BTNL9: variants seen among roughly 807,000 people sequenced by gnomAD.
BTNL9 encodes butyrophilin like 9.
Under a neutral mutation model 45.8 loss-of-function variants are expected in BTNL9, and 45 were observed. The ratio of observed to expected loss-of-function variants is 0.98; its 90% CI spans 0.77 to 1.26. The LOEUF (loss-of-function observed/expected upper bound fraction) is 1.26. Ranked by LOEUF, BTNL9 falls within the 50% of genes most tolerant of loss-of-function variation. The pLI, the probability that BTNL9 is intolerant of heterozygous loss-of-function variation, is 0.00. For synonymous variants in BTNL9, 346 were observed against 330.8 expected (o/e 1.05, Z -0.50); for missense variants, 784 against 729.7 (o/e 1.07, Z -0.86).
intron 4 of BTNL9, among the ~76,000 whole-genome samples, chr5:181,052,216 C>CAG (rs1171293022): frequency 6.6e-6 from 1 of 152,138 alleles, no homozygotes; most frequent in African/African-American, 2.4e-5. Flanking sequence ...ACTTATAAGC[C>CAG]AGACACACAG....
Position 181,050,337 on chromosome 5 carries a change from G to GCCAGAAGAAA in BTNL9, c.705_714dup (p.Glu239ProfsTer75), listed in dbSNP as rs762662656. 1.2e-6 allele frequency: 2 copies of GCCAGAAGAAA among 1,614,084 alleles called. No homozygotes were observed. The highest frequency in any genetic ancestry group is 1.7e-6 in the Non-Finnish European group (2 of 1,180,026). The stretch of plus-strand genomic sequence containing the variant: ...GTCTCCATCCAGAATCTCCTCTTGA[G>GCCAGAAGAAA]CCAGAAGAAAGAGTTGGTGGTCCAG... On this transcript the variant is annotated frameshift_variant, in exon 4 of 11. Coordinates refer to ENST00000327705, the MANE Select transcript of BTNL9 (RefSeq NM_152547.5). LOFTEE classifies it high-confidence loss of function. The surrounding 1 kb of genome is among the most constrained non-coding windows in gnomAD (Gnocchi z 4.9).
chr5:181,048,467 G>T (rs951297476), intron 3 of BTNL9, among the ~76,000 whole-genome samples, 196 bp downstream of exon 3: 1 of 151,946 alleles, frequency 6.6e-6, no homozygotes, highest in African/African-American at 2.4e-5. Flanking sequence ...TTAAATATAT[G>T]AAAAGGGCCG....
At chr5:181,048,351 C>T (rs888338038) in intron 3 of BTNL9, 80 bp downstream of exon 3, 11 of 1,279,848 alleles carry the variant, frequency 8.6e-6, no homozygotes, top group Non-Finnish European at 1.2e-5. Context: ...TCACAGAGAA[C>T]AGAAGAATGT....
In BTNL9 at chr5:181,053,463, C is replaced by A; in HGVS notation, c.854-6C>A. On this transcript the variant is annotated splice_polypyrimidine_tract_variant and splice_region_variant and intron_variant, in intron 5 of 10. Transcript: ENST00000327705. The surrounding 1 kb of genome is among the most constrained non-coding windows in gnomAD (Gnocchi z 6.5). ...CTCAGCCCTCTCCGCTCCCGTTTCC[C>A]TTCAGAAAAGCTGAGGAAGCAGGCG... 2 of 1,572,874 alleles carry A rather than the reference C, an allele frequency of 1.3e-6. No individual in the cohort carries two copies. The highest frequency in any genetic ancestry group is 1.2e-5 in the South Asian group (1 of 85,758).
Position 181,053,840 on chromosome 5 carries a change from A to G in BTNL9, c.886+339A>G, listed in dbSNP as rs1363501903. On this transcript the variant is annotated intron_variant, in intron 6 of 10. Coordinates refer to ENST00000327705, the MANE Select transcript of BTNL9 (RefSeq NM_152547.5). This position sits in a 1 kb window ranked among gnomAD's most constrained non-coding sequence, Gnocchi z 6.5. ...AGCGCCACCTCGTCCAGGTTTTCAT[A>G]GCGCACAGGGAGTCGGGCGGATGCG... 9 of 1,507,470 alleles carry G rather than the reference A, an allele frequency of 6.0e-6. No homozygotes were observed. In the East Asian group the frequency reaches 7.8e-5, roughly 13 times the overall value. 93.4% of individuals were successfully genotyped at this position (1,507,470 alleles called of 1,614,324 possible).
intron 2 of BTNL9, among the ~76,000 whole-genome samples, chr5:181,046,470 T>G (rs1761160983): frequency 6.6e-6 from 1 of 152,182 alleles, no homozygotes; most frequent in South Asian, 2.1e-4. Context: ...TTTTACCCCT[T>G]GCAAATCTTC....
Position 181,053,999 on chromosome 5 carries a change from C to T in BTNL9, c.887-240C>T, listed in dbSNP as rs1761735212. On this transcript the variant is annotated intron_variant, in intron 6 of 10. Transcript: ENST00000327705. The surrounding 1 kb of genome is among the most constrained non-coding windows in gnomAD (Gnocchi z 6.5). ...GGAGGCTCCGACCCTGATTTTCACA[C>T]TAGCAGGAGGGAGGGCGCTGGGTCA... The T allele has an allele frequency of 2.0e-6, 3 of 1,537,100 alleles. No individual in the cohort carries two copies. Among genetic ancestry groups the T allele is most frequent in the Non-Finnish European group, 2.6e-6 (3 of 1,145,204 alleles).
At chr5:181,045,281 TC>T (rs1761035707) in intron 1 of BTNL9, among the ~76,000 whole-genome samples, 185 bp from the exon 2 acceptor site, 1 of 152,024 alleles carries the variant, frequency 6.6e-6, no homozygotes, top group African/African-American at 2.4e-5. Context: ...ATTAACAGTG[TC>T]CCCTGGGAAA....
chr5:181,054,890 C>A, intron 7 of BTNL9: 1 of 985,476 alleles, frequency 1.0e-6, no homozygotes, highest in Non-Finnish European at 1.2e-6. Flanking sequence ...AACACTATAG[C>A]ATGAATGCCT....
At chr5:181,043,921 G>T (rs1419693094) in intron 1 of BTNL9, among the ~76,000 whole-genome samples, 2 of 152,236 alleles carry the variant, frequency 1.3e-5, no homozygotes, top group African/African-American at 4.8e-5. Context: ...GCCCATGCTG[G>T]TTATTGTGTG....
rs776898682 is a variant in BTNL9 at position 181,054,235 on chromosome 5, C to G, written c.887-4C>G. On this transcript the variant is annotated splice_polypyrimidine_tract_variant and splice_region_variant and intron_variant, in intron 6 of 10. Coordinates refer to ENST00000327705, the MANE Select transcript of BTNL9 (RefSeq NM_152547.5). ...CTTCATCTTTTTTTTTTTTTTTTCT[C>G]TAGAGAAACTCACTGCAGAGCTGGG... 1.3e-6 allele frequency: 2 copies of G among 1,557,934 alleles called. No homozygotes were observed. The highest frequency in any genetic ancestry group is 1.5e-5 in the African/African-American group (1 of 67,194).
intron 2 of BTNL9, among the ~76,000 whole-genome samples, chr5:181,045,815 C>A (rs1173222416): frequency 3.0e-5 from 4 of 133,852 alleles, no homozygotes; most frequent in African/African-American, 8.9e-5. Context: ...ACCTCCTCCA[C>A]CATCTCTCCA....
chr5:181,043,933 A>C (rs900883949), intron 1 of BTNL9, among the ~76,000 whole-genome samples: 1 of 152,224 alleles, frequency 6.6e-6, no homozygotes, highest in Non-Finnish European at 1.5e-5. Context: ...TATTGTGTGA[A>C]TCGTGTTCCA....
At position 181,060,088 on chromosome 5, in the gene BTNL9, G is replaced by GGCT; in HGVS notation, c.*227_*228insCTG. 1 of 550,298 alleles carries GGCT rather than the reference G, an allele frequency of 1.8e-6. No homozygotes were observed. Among genetic ancestry groups the GGCT allele is most frequent in the Non-Finnish European group, 3.2e-6 (1 of 314,048 alleles). 34.1% of individuals were successfully genotyped at this position (550,298 alleles called of 1,614,324 possible). A position where few individuals can be genotyped will look rare whatever the true frequency, so the allele number is the denominator to read the frequency against. ...TTTGTGGATTGTGGGACTGAGCGAA[G>GGCT]GAGTACAAATATATCCACGTCGCTC... On this transcript the variant is annotated 3_prime_UTR_variant, in exon 11 of 11. Transcript: ENST00000327705.
chr5:181,047,377 T>C (rs186118181), intron 2 of BTNL9: 63 of 487,850 alleles, frequency 1.3e-4, no homozygotes, highest in African/African-American at 1.3e-3. Context: ...CCCTCATGGA[T>C]GATTTTTGAT....
At position 181,053,978 on chromosome 5, in the gene BTNL9, G is replaced by T. The variant is rs1398413540; in HGVS notation, c.887-261G>T. ...TCCGCCGAGCTAATAGATTTGGGAG[G>T]CTCCGACCCTGATTTTCACACTAGC... On this transcript the variant is annotated intron_variant, in intron 6 of 10. Coordinates refer to ENST00000327705, the MANE Select transcript of BTNL9 (RefSeq NM_152547.5). The surrounding 1 kb of genome is among the most constrained non-coding windows in gnomAD (Gnocchi z 6.5). 10 of 1,532,048 alleles carry T rather than the reference G, an allele frequency of 6.5e-6. No homozygotes were observed. The highest frequency in any genetic ancestry group is 8.7e-6 in the Non-Finnish European group (10 of 1,143,566). The allele number at this position is 1,532,048 out of a possible 1,614,324, so 94.9% of individuals were successfully genotyped here.
At chr5:181,058,656 G>C (rs1762002359) in intron 10 of BTNL9, among the ~76,000 whole-genome samples, 1 of 152,120 alleles carries the variant, frequency 6.6e-6, no homozygotes, top group Non-Finnish European at 1.5e-5. Flanking sequence ...AGGCGAGAGT[G>C]CAGAGTCTGT....
chr5:181,043,972 C>A (rs2113147007), intron 1 of BTNL9, among the ~76,000 whole-genome samples: 1 of 152,372 alleles, frequency 6.6e-6, no homozygotes, highest in Non-Finnish European at 1.5e-5. Context: ...CACGGCCCCG[C>A]TTCGGGGGGA....
At chr5:181,048,801 T>TAGTATGC (rs1761354183) in intron 3 of BTNL9, among the ~76,000 whole-genome samples, 5 of 34,958 alleles carry the variant, frequency 1.4e-4, no homozygotes, top group Non-Finnish European at 3.1e-4. Flanking sequence ...TAGTTATATA[T>TAGTATGC]TATATAATTA....
Sources: allele counts gnomAD v4.1 joint callset (sites outside exome capture counted in the v4.1 genomes callset), GRCh38; gene constraint gnomAD v4.1.1; non-coding constraint Gnocchi (gnomAD v3.1); transcripts MANE v1.5; gene names NCBI Gene and HGNC (gene_info 2026-07-23, HGNC 2026-07-21).